Variants in SHC3 observed in about 807,000 individuals in gnomAD.
The protein encoded by SHC3 is SHC adaptor protein 3.
In SHC3, 15 loss-of-function variants were observed where a neutral mutation model predicts 60.4. The observed-to-expected ratio is 0.25, with a 90% confidence interval of 0.17 to 0.38. The LOEUF (loss-of-function observed/expected upper bound fraction) is 0.38, where lower values mean the gene tolerates loss of function less well. Ranked by LOEUF, SHC3 falls within the 10% of genes least tolerant of loss-of-function variation. The pLI, the probability that SHC3 is intolerant of heterozygous loss-of-function variation, is 1.00. For synonymous variants in SHC3, 294 were observed against 325.9 expected (o/e 0.90, Z 1.05); for missense variants, 677 against 786.1 (o/e 0.86, Z 1.66).
intron 2 of SHC3, among the ~76,000 whole-genome samples, chr9:89,096,275 G>C (rs1825699939): frequency 1.3e-5 from 2 of 152,066 alleles, no homozygotes; most frequent in African/African-American, 4.8e-5. Flanking sequence ...TACTTGCTTT[G>C]GTCCCTGGGG....
chr9:89,105,004 C>T (rs567613739), intron 2 of SHC3, among the ~76,000 whole-genome samples: 14 of 152,300 alleles, frequency 9.2e-5, no homozygotes, highest in Admixed American at 8.5e-4. Context: ...TTCACAGAGG[C>T]AATGCTGCCC....
intron 2 of SHC3, among the ~76,000 whole-genome samples, chr9:89,085,296 C>T (rs1020596059): frequency 7.9e-5 from 12 of 152,212 alleles, no homozygotes; most frequent in Non-Finnish European, 1.8e-4. Context: ...CCACGTAAAC[C>T]TGGGCTGAAT....
rs529738814 is a variant in SHC3, at chr9:89,018,992, G to C, written c.1657-5417C>G. Reference sequence around the variant, plus strand: ...GAAAGTCGCTTGAACCTGGGAGATGGAGGCTGCGGTGAACTGAGATCATGC... The same window carrying C: ...GAAAGTCGCTTGAACCTGGGAGATGCAGGCTGCGGTGAACTGAGATCATGC... On this transcript the variant is annotated intron_variant, in intron 11 of 11. Transcript: ENST00000375835. Among the ~76,000 whole-genome samples, 15 of 151,382 alleles carry C rather than the reference G, an allele frequency of 9.9e-5. 1 individual carries two copies. Among genetic ancestry groups the C allele is most frequent in the Non-Finnish European group, 7.4e-5 (5 of 67,864 alleles).
chr9:89,153,540 T>C (rs930084347), intron 1 of SHC3, among the ~76,000 whole-genome samples: 1 of 152,226 alleles, frequency 6.6e-6, no homozygotes. Flanking sequence ...GTTACTGCTG[T>C]GGCCCCAAAA....
In SHC3 at chr9:89,036,958, T is replaced by C. The variant is rs1477455579; in HGVS notation, c.1656+1035A>G. 4.8e-5 allele frequency among the ~76,000 whole-genome samples: 3 copies of C among 62,468 alleles called. No individual in the cohort carries two copies. The East Asian group carries it at 2.8e-3, about 59-fold the overall frequency. The allele number at this position is 62,468 out of a possible 152,430, so 41.0% of individuals were successfully genotyped here. On this transcript the variant is annotated intron_variant, in intron 11 of 11. Coordinates refer to ENST00000375835, the MANE Select transcript of SHC3 (RefSeq NM_016848.6). ...AAATATGTTTTCTCAGAAGTACATA[T>C]ATGTTAAAAAAAAAAAAAAAGAAGG...
chr9:89,042,331 TCAC>T, intron 9 of SHC3, 147 bp from the exon 10 acceptor site: 1 of 849,922 alleles, frequency 1.2e-6, no homozygotes, highest in Non-Finnish European at 1.7e-6. Flanking sequence ...TCTGAGCTTG[TCAC>T]CACACACTGC....
chr9:89,017,327 C>T (rs1826114384), intron 11 of SHC3, among the ~76,000 whole-genome samples: 1 of 152,132 alleles, frequency 6.6e-6, no homozygotes, highest in Non-Finnish European at 1.5e-5. Context: ...AGAACAGAGG[C>T]CTCAGAAATA....
At chr9:89,152,122 T>C (rs1192486205) in intron 1 of SHC3, among the ~76,000 whole-genome samples, 1 of 152,210 alleles carries the variant, frequency 6.6e-6, no homozygotes, top group African/African-American at 2.4e-5. Context: ...CATATTGCTC[T>C]CTGGAAAATT....
chr9:89,143,660 AT>A (rs945801918), intron 1 of SHC3, among the ~76,000 whole-genome samples: 31 of 152,040 alleles, frequency 2.0e-4, no homozygotes, highest in African/African-American at 7.0e-4. Context: ...TATAACAGAA[AT>A]TTTTTTTGTG....
In SHC3 at chr9:89,142,631, G is replaced by A. The variant is rs184435203; in HGVS notation, c.475-30005C>T. Among the ~76,000 whole-genome samples the A allele has an allele frequency of 2.9e-3, 428 of 145,816 alleles. 2 individuals carry two copies. The highest frequency in any genetic ancestry group is 0.01 in the African/African-American group (401 of 39,522). ...AGGAGGAGGAGGTTGCAGTGAGATC[G>A]CACGACTGCACTCCAGCCTGGGCGA... On this transcript the variant is annotated intron_variant, in intron 1 of 11. Coordinates refer to ENST00000375835, the MANE Select transcript of SHC3 (RefSeq NM_016848.6).
intron 1 of SHC3, among the ~76,000 whole-genome samples, chr9:89,125,715 A>C (rs1826154292): frequency 1.3e-5 from 2 of 152,172 alleles, no homozygotes; most frequent in Non-Finnish European, 2.9e-5. Context: ...TCACTGCTAC[A>C]TTCCCACCAG....
intron 11 of SHC3, among the ~76,000 whole-genome samples, chr9:89,021,052 A>G (rs533928033): frequency 2.0e-5 from 3 of 152,204 alleles, no homozygotes; most frequent in Non-Finnish European, 4.4e-5. Context: ...TTTCGCACTG[A>G]GCTTCAGCGC....
At chr9:89,035,423 G>A (rs572331262) in intron 11 of SHC3, among the ~76,000 whole-genome samples, 1 of 152,248 alleles carries the variant, frequency 6.6e-6, no homozygotes, top group East Asian at 1.9e-4. Context: ...GGAGAATCAA[G>A]AGGAAGGACT....
At chr9:89,136,923 G>T (rs187214953) in intron 1 of SHC3, among the ~76,000 whole-genome samples, 2 of 152,182 alleles carry the variant, frequency 1.3e-5, no homozygotes, top group Admixed American at 6.5e-5. Context: ...ACAGTTTCAC[G>T]GGTTGTACAG....
intron 6 of SHC3, among the ~76,000 whole-genome samples, chr9:89,057,441 G>C (rs1272056849): frequency 1.3e-5 from 2 of 151,002 alleles, no homozygotes; most frequent in Non-Finnish European, 2.9e-5. Flanking sequence ...TAAGGGTATA[G>C]CATTTTGCAC....
At chr9:89,024,123 C>A (rs551401325) in intron 11 of SHC3, among the ~76,000 whole-genome samples, 1 of 152,254 alleles carries the variant, frequency 6.6e-6, no homozygotes, top group African/African-American at 2.4e-5. Flanking sequence ...ACTCAGCCCC[C>A]TCTCATGGTC....
chr9:89,046,883 A>C lies in SHC3; in HGVS notation c.1074T>G (p.Thr358=). ...GAGCATGGGGTCTGGGTTTCAGTCTAGTATCAAGAAAGCCCCCTGGAGGAG... is the reference window on the plus strand; with the variant it reads ...GAGCATGGGGTCTGGGTTTCAGTCTCGTATCAAGAAAGCCCCCTGGAGGAG... ...KMPPPGGFLD[T]RLKPRPHAPD... The change falls in exon 8 of 12, where the codon ACT becomes ACG. Residue 358 remains threonine, a synonymous_variant. Transcript: ENST00000375835. 1 of 1,610,370 alleles carries C rather than the reference A, an allele frequency of 6.2e-7. No individual in the cohort carries two copies. The highest frequency in any genetic ancestry group is 8.5e-7 in the Non-Finnish European group (1 of 1,178,426).
intron 1 of SHC3, among the ~76,000 whole-genome samples, chr9:89,153,548 A>G (rs1826576339): frequency 6.6e-6 from 1 of 152,174 alleles, no homozygotes; most frequent in African/African-American, 2.4e-5. Context: ...TGTGGCCCCA[A>G]AAGTGATTTC....
chr9:89,058,272 TGGTGGTGGAGGAC>T (rs1354814174), intron 6 of SHC3, among the ~76,000 whole-genome samples: 2 of 147,802 alleles, frequency 1.4e-5, no homozygotes, highest in East Asian at 2.1e-4. Flanking sequence ...TGGTGGAAGA[TGGTGGTGGAGGAC>T]GGTGGTGGAG....
Sources: gnomAD v4.1 joint callset for allele counts (sites outside exome capture counted in the v4.1 genomes callset) on GRCh38, gnomAD v4.1.1 for gene constraint, MANE v1.5 for transcripts, NCBI Gene and HGNC (gene_info 2026-07-23, HGNC 2026-07-21) for gene names.